FBXL7: variants seen among roughly 807,000 people sequenced by gnomAD.
FBXL7 encodes the protein F-box/LRR-repeat protein 7.
A neutral mutation model predicts 38.3 loss-of-function variants in FBXL7; 12 were observed. That is an observed-to-expected ratio of 0.31 (90% CI 0.20 to 0.51). The LOEUF (loss-of-function observed/expected upper bound fraction) is 0.51. Among genes scored for constraint, FBXL7 ranks in the 20% least tolerant of loss-of-function variants. The pLI is 0.98. For missense variants in FBXL7, 567 were observed against 676.4 expected (o/e 0.84, Z 1.79); for synonymous variants, 297 against 300.9 (o/e 0.99, Z 0.13).
chr5:15,819,283 T>C (rs1396012964), intron 2 of FBXL7, among the ~76,000 whole-genome samples: 1 of 152,080 alleles, frequency 6.6e-6, no homozygotes, highest in East Asian at 1.9e-4. Context: ...GTGAATAATT[T>C]TAATTTCTAA....
intron 2 of FBXL7, among the ~76,000 whole-genome samples, chr5:15,809,637 C>A (rs1737805640): frequency 6.6e-6 from 1 of 151,012 alleles, no homozygotes; most frequent in Non-Finnish European, 1.5e-5. Flanking sequence ...TCCTAGAAAG[C>A]ACAAATCAAT....
intron 2 of FBXL7, among the ~76,000 whole-genome samples, chr5:15,622,181 C>A (rs1740672604): frequency 6.6e-6 from 1 of 151,972 alleles, no homozygotes; most frequent in Non-Finnish European, 1.5e-5. Flanking sequence ...GGTGTATTTG[C>A]TCAATAAATA....
intron 2 of FBXL7, among the ~76,000 whole-genome samples, chr5:15,700,595 A>G (rs564109472): frequency 4.6e-5 from 7 of 152,240 alleles, no homozygotes; most frequent in South Asian, 2.1e-4. Flanking sequence ...TCCTCAGCAA[A>G]TGGAGTCATG....
At chr5:15,560,635 A>T (rs1490254482) in intron 1 of FBXL7, among the ~76,000 whole-genome samples, 2 of 152,136 alleles carry the variant, frequency 1.3e-5, no homozygotes, top group Non-Finnish European at 2.9e-5. Context: ...GAGCAATAAT[A>T]ATAAAATGCA....
At chr5:15,731,823 G>A (rs564652436) in intron 2 of FBXL7, among the ~76,000 whole-genome samples, 2 of 152,182 alleles carry the variant, frequency 1.3e-5, no homozygotes, top group Admixed American at 6.5e-5. Flanking sequence ...GGCTGTGTTC[G>A]GGGCTCTGGA....
At chr5:15,651,414 A>G (rs1187783994) in intron 2 of FBXL7, among the ~76,000 whole-genome samples, 2 of 152,172 alleles carry the variant, frequency 1.3e-5, no homozygotes, top group Admixed American at 1.3e-4. Flanking sequence ...CTTAATAAGA[A>G]TTGAAAGTCA....
intron 3 of FBXL7, among the ~76,000 whole-genome samples, chr5:15,934,891 T>G (rs1036527492): frequency 2.0e-5 from 3 of 151,954 alleles, no homozygotes; most frequent in African/African-American, 7.3e-5. Flanking sequence ...CATTCCAGAG[T>G]GAGGAGACAG....
chr5:15,564,335 G>T (rs1738499989), intron 1 of FBXL7, among the ~76,000 whole-genome samples: 1 of 151,118 alleles, frequency 6.6e-6, no homozygotes, highest in African/African-American at 2.4e-5. Context: ...AATAATTTTT[G>T]CCATCAGTTG....
chr5:15,704,118 G>T (rs1425767276), intron 2 of FBXL7, among the ~76,000 whole-genome samples: 2 of 152,170 alleles, frequency 1.3e-5, no homozygotes, highest in African/African-American at 4.8e-5. Context: ...AAGGGAGAGT[G>T]CTGAGAAGGA....
At chr5:15,814,639 AT>A (rs1300948110) in intron 2 of FBXL7, among the ~76,000 whole-genome samples, 2 of 152,088 alleles carry the variant, frequency 1.3e-5, no homozygotes, top group Admixed American at 6.6e-5. Context: ...TTGTAAAAAA[AT>A]TTTTTTTAAT....
intron 1 of FBXL7, among the ~76,000 whole-genome samples, chr5:15,570,216 G>A (rs1351819498): frequency 3.9e-5 from 6 of 152,118 alleles, no homozygotes; most frequent in Non-Finnish European, 8.8e-5. Flanking sequence ...AATCCATCTG[G>A]TCCTGGACTT....
chr5:15,713,202 C>T (rs1743932701), intron 2 of FBXL7, among the ~76,000 whole-genome samples: 1 of 152,220 alleles, frequency 6.6e-6, no homozygotes, highest in Admixed American at 6.5e-5. Flanking sequence ...GTCCATCTTA[C>T]ATGGCAGCAG....
At chr5:15,587,468 T>G (rs1038727912) in intron 1 of FBXL7, among the ~76,000 whole-genome samples, 3 of 152,228 alleles carry the variant, frequency 2.0e-5, no homozygotes, top group African/African-American at 4.8e-5. Context: ...ATTCCATGTT[T>G]ATTTATTTTT....
chr5:15,792,599 G>T (rs1445098310), intron 2 of FBXL7, among the ~76,000 whole-genome samples: 1 of 152,334 alleles, frequency 6.6e-6, no homozygotes, highest in Admixed American at 6.5e-5. Flanking sequence ...GGAAGGTAAA[G>T]ACTTTGACAG....
In FBXL7 at chr5:15,928,095, G is replaced by C. The variant is rs1468455517; in HGVS notation, c.333G>C (p.Gln111His). ...TCGCCTCCAGACCCCAGAAGGAGCA[G>C]GCCAGCATAGACCGGCTCCCGGACC... ...IRLASRPQKE[Q>H]ASIDRLPDHS... is the part of the protein sequence containing the mutation. Residue 111 changes from glutamine to histidine, a missense_variant, in exon 3 of 4, where the codon CAG becomes CAC. Physicochemically the swap from Gln to His is conservative, Grantham distance 24 (BLOSUM62 0). Transcript: ENST00000504595. This position sits in a 1 kb window ranked among gnomAD's most constrained non-coding sequence, Gnocchi z 4.0. The C allele has an allele frequency of 1.2e-6, 2 of 1,610,398 alleles. No homozygotes were observed. The highest frequency in any genetic ancestry group is 2.7e-5 in the African/African-American group (2 of 73,990).
chr5:15,538,616 G>GCT (rs1737653194), intron 1 of FBXL7, among the ~76,000 whole-genome samples: 1 of 152,168 alleles, frequency 6.6e-6, no homozygotes, highest in Non-Finnish European at 1.5e-5. Context: ...GCATTCATGA[G>GCT]CTCAGAATAT....
intron 2 of FBXL7, among the ~76,000 whole-genome samples, chr5:15,762,693 G>C (rs990968701): frequency 6.6e-6 from 1 of 152,120 alleles, no homozygotes; most frequent in Non-Finnish European, 1.5e-5. Flanking sequence ...GCAAAACAGC[G>C]TACTGCTGAG....
intron 2 of FBXL7, among the ~76,000 whole-genome samples, chr5:15,835,301 C>T (rs1738564222): frequency 6.6e-6 from 1 of 152,030 alleles, no homozygotes; most frequent in Admixed American, 6.6e-5. Flanking sequence ...TATGTAGCAC[C>T]AATGCAAAAT....
At chr5:15,542,005 G>C (rs1561021396) in intron 1 of FBXL7, among the ~76,000 whole-genome samples, 1 of 151,458 alleles carries the variant, frequency 6.6e-6, no homozygotes, top group Non-Finnish European at 1.5e-5. Flanking sequence ...TTTAGATGAA[G>C]CTTTTTATTC....
Sources: gnomAD v4.1 joint callset for allele counts (sites outside exome capture counted in the v4.1 genomes callset) on GRCh38, gnomAD v4.1.1 for gene constraint, Gnocchi (gnomAD v3.1) non-coding constraint, MANE v1.5 for transcripts, NCBI Gene and HGNC (gene_info 2026-07-23, HGNC 2026-07-21) for gene names.